Variants in PIR observed in about 807,000 individuals in gnomAD.
PIR encodes the protein pirin.
PIR carries 22 observed loss-of-function variants against 24.2 expected under a neutral mutation model. That is an observed-to-expected ratio of 0.91 (90% CI 0.65 to 1.30). The LOEUF is 1.30. Among genes scored for constraint, PIR ranks in the 50% most tolerant of loss-of-function variants. The probability of loss-of-function intolerance (pLI) is 0.00; values close to 1 mark genes in which losing one functional copy is unlikely to be tolerated. For synonymous variants in PIR, 80 were observed against 79.6 expected, an observed-to-expected ratio of 1.00 and a Z score of -0.03; for missense variants, 220 against 220.3, an observed-to-expected ratio of 1.00 and a Z score of 0.01.
intron 7 of PIR, among the ~76,000 whole-genome samples, chrX:15,404,191 G>A (rs1924486829): frequency 9.1e-6 from 1 of 109,823 alleles, no homozygotes; most frequent in African/African-American, 3.3e-5. Flanking sequence ...CTGGAGACAG[G>A]GGTTTCACCA....
chrX:15,439,810 GCCTATGCT>G (rs1410668508), intron 5 of PIR, among the ~76,000 whole-genome samples: 12 of 112,086 alleles, frequency 1.1e-4, no homozygotes. Context: ...TGACTCCACA[GCCTATGCT>G]CCTTTCAGTC....
rs766583995 is a variant in PIR at position 15,493,322 on chromosome X, G to A, written c.-185C>T. 1 of 112,097 alleles carries A rather than the reference G, an allele frequency of 8.9e-6. No individual in the cohort carries two copies. The highest frequency in any genetic ancestry group is 3.2e-5 in the African/African-American group (1 of 30,821). 9.2% of individuals were successfully genotyped at this position (112,097 alleles called of 1,213,427 possible). A position where few individuals can be genotyped will look rare whatever the true frequency, so the allele number is the denominator to read the frequency against. On this transcript the variant is annotated 5_prime_UTR_variant, in exon 1 of 10. Transcript: ENST00000380420. The stretch of plus-strand genomic sequence containing the variant: ...CGTGACTCAGCGCTTCGCGGCCGGC[G>A]GCCTAGAGGAGGCGGGAGGCGGGAG...
At chrX:15,486,286 G>A (rs1338295306) in intron 2 of PIR, among the ~76,000 whole-genome samples, 1 of 14,628 alleles carries the variant, frequency 6.8e-5, no homozygotes, top group African/African-American at 4.6e-4. Flanking sequence ...GAGACAGAGT[G>A]AGACTCTGTC....
At chrX:15,488,007 C>T (rs187724188) in intron 2 of PIR, among the ~76,000 whole-genome samples, 149 of 111,260 alleles carry the variant, frequency 1.3e-3, no homozygotes, top group Non-Finnish European at 3.0e-4. Context: ...TGGTCGGGTG[C>T]AGTGGCTCAG....
At chrX:15,487,756 G>A (rs910245044) in intron 2 of PIR, among the ~76,000 whole-genome samples, 8 of 112,136 alleles carry the variant, frequency 7.1e-5, no homozygotes, top group Non-Finnish European at 1.1e-4. Flanking sequence ...TAACTGTGAT[G>A]AAGGGTGTGG....
intron 3 of PIR, among the ~76,000 whole-genome samples, chrX:15,476,580 C>T (rs1922204709): frequency 9.0e-6 from 1 of 110,819 alleles, no homozygotes; most frequent in Non-Finnish European, 1.9e-5. Flanking sequence ...ATTGCAATTC[C>T]TATCACTGAA....
intron 7 of PIR, among the ~76,000 whole-genome samples, chrX:15,400,361 A>G (rs1924335262): frequency 8.9e-6 from 1 of 112,014 alleles, no homozygotes; most frequent in African/African-American, 3.2e-5. Context: ...TCTTCAACTA[A>G]TTCATGTATA....
chrX:15,476,209 T>C (rs1450159620), intron 3 of PIR, among the ~76,000 whole-genome samples: 1 of 112,293 alleles, frequency 8.9e-6, no homozygotes, highest in African/African-American at 3.2e-5. Flanking sequence ...TATAGAATAA[T>C]ATTTTCCACA....
chrX:15,475,348 T>G (rs1367247127), intron 3 of PIR, among the ~76,000 whole-genome samples: 4 of 111,300 alleles, frequency 3.6e-5, no homozygotes, highest in Non-Finnish European at 7.5e-5. Flanking sequence ...TGAAAAAATT[T>G]TAAAAACACT....
chrX:15,472,712 C>A (rs1441515907), intron 3 of PIR, among the ~76,000 whole-genome samples: 1 of 111,925 alleles, frequency 8.9e-6, no homozygotes, highest in African/African-American at 3.2e-5. Context: ...ACTTTCTGGG[C>A]TGATGAAAGT....
intron 7 of PIR, among the ~76,000 whole-genome samples, chrX:15,397,845 A>C (rs1416468661): frequency 8.9e-6 from 1 of 112,238 alleles, no homozygotes; most frequent in Non-Finnish European, 1.9e-5. Context: ...ATAAGAATTA[A>C]AAATAGTTAG....
intron 3 of PIR, among the ~76,000 whole-genome samples, chrX:15,477,764 C>T (rs1297176487): frequency 8.9e-6 from 1 of 111,892 alleles, no homozygotes; most frequent in African/African-American, 3.2e-5. Flanking sequence ...TTCATTCAAC[C>T]TCAGCTGGGA....
chrX:15,460,224 A>C (rs975132654), intron 3 of PIR, among the ~76,000 whole-genome samples: 3 of 111,693 alleles, frequency 2.7e-5, no homozygotes, highest in Non-Finnish European at 3.8e-5. Context: ...CCTATACAAC[A>C]CAGCAATCTC....
chrX:15,471,802 T>C (rs1921938076), intron 3 of PIR, among the ~76,000 whole-genome samples: 1 of 112,150 alleles, frequency 8.9e-6, no homozygotes, highest in African/African-American at 3.2e-5. Context: ...TTTCTAACTT[T>C]CATGCAATTT....
At chrX:15,415,422 G>A (rs753173696) in intron 6 of PIR, among the ~76,000 whole-genome samples, 1 of 111,508 alleles carries the variant, frequency 9.0e-6, no homozygotes, top group South Asian at 3.8e-4. Context: ...TCTCCATCAT[G>A]GATTTTTGCC....
chrX:15,457,721 A>G (rs1921140145), intron 4 of PIR, among the ~76,000 whole-genome samples: 1 of 112,367 alleles, frequency 8.9e-6, no homozygotes, highest in African/African-American at 3.2e-5. Flanking sequence ...TGCATACTTT[A>G]AAGATTTTTT....
chrX:15,474,656 G>T (rs923889420), intron 3 of PIR, among the ~76,000 whole-genome samples: 7 of 111,725 alleles, frequency 6.3e-5, no homozygotes, highest in African/African-American at 2.3e-4. Context: ...CATGCCAAAT[G>T]AATATATATG....
At chrX:15,453,245 A>G (rs1920986061) in intron 5 of PIR, among the ~76,000 whole-genome samples, 1 of 112,328 alleles carries the variant, frequency 8.9e-6, no homozygotes, top group African/African-American at 3.2e-5. Context: ...GATGGCAGAC[A>G]TAAATCTCAG....
At chrX:15,422,788 C>A (rs961138837) in intron 6 of PIR, among the ~76,000 whole-genome samples, 24 of 111,567 alleles carry the variant, frequency 2.2e-4, no homozygotes, top group Non-Finnish European at 4.0e-4. Context: ...GCAATCCCTA[C>A]CAAAATGCCA....
Sources: allele counts gnomAD v4.1 joint callset (sites outside exome capture counted in the v4.1 genomes callset), GRCh38; gene constraint gnomAD v4.1.1; transcripts MANE v1.5; gene names NCBI Gene and HGNC (gene_info 2026-07-23, HGNC 2026-07-21).